SCARB2: variants seen among roughly 807,000 people sequenced by gnomAD.
SCARB2 encodes lysosome membrane protein 2.
In SCARB2, 29 loss-of-function variants were observed where a neutral mutation model predicts 58.6. The observed-to-expected ratio is 0.49, with a 90% CI of 0.37 to 0.67. SCARB2 has a LOEUF of 0.67. Ranked by LOEUF, SCARB2 falls within the 30% of genes least tolerant of loss-of-function variation. The probability of loss-of-function intolerance (pLI) is 0.00; values close to 1 mark genes in which losing one functional copy is unlikely to be tolerated. For missense variants in SCARB2, 488 were observed against 578.5 expected (o/e 0.84, Z 1.60); for synonymous variants, 195 against 210.1 (o/e 0.93, Z 0.62).
At chr4:76,198,837 AGTGAGTGTGTGTGTGTGT>A (rs1353617882) in intron 1 of SCARB2, among the ~76,000 whole-genome samples, 33 of 130,856 alleles carry the variant, frequency 2.5e-4, no homozygotes, top group African/African-American at 1.0e-3. Context: ...CTGGAGAGTG[AGTGAGTGTGTGTGTGTGT>A]GTGTGTGTGT....
intron 1 of SCARB2, among the ~76,000 whole-genome samples, chr4:76,200,248 T>C (rs1732802916): frequency 6.6e-6 from 1 of 152,202 alleles, no homozygotes; most frequent in African/African-American, 2.4e-5. Context: ...TTACACTAAA[T>C]GAAAAAGCAA....
At chr4:76,223,385 A>T (rs1321009335) in intron 1 of SCARB2, among the ~76,000 whole-genome samples, 1 of 152,114 alleles carries the variant, frequency 6.6e-6, no homozygotes. Flanking sequence ...ATTGGGTCCT[A>T]CTTAGCCAGA....
intron 7 of SCARB2, chr4:76,172,955 T>C (rs915802299): frequency 6.6e-6 from 1 of 152,142 alleles, no homozygotes; most frequent in Non-Finnish European, 1.5e-5. Flanking sequence ...AGGGCAAATA[T>C]GAGAAGACCC....
chr4:76,211,726 C>T (rs1028502185), intron 1 of SCARB2, among the ~76,000 whole-genome samples: 7 of 152,146 alleles, frequency 4.6e-5, no homozygotes, highest in African/African-American at 1.7e-4. Flanking sequence ...TACAGGTAAT[C>T]CAGGAAAAAG....
upstream of SCARB2, chr4:76,214,374 T>C: frequency 2.3e-6 from 1 of 443,158 alleles, no homozygotes; most frequent in African/African-American, 2.0e-5. Flanking sequence ...TGTGCAAGAA[T>C]GGAAGATGTG....
rs569398417 is a variant in SCARB2 at position 76,161,109 on chromosome 4, C to G, written c.*604G>C. ...CAACCCCTTTCCCATTTGATTCTACCCAGTATTTTATTGCAGTTGGAAGAC... is the reference window on the plus strand; with the variant it reads ...CAACCCCTTTCCCATTTGATTCTACGCAGTATTTTATTGCAGTTGGAAGAC... On this transcript the variant is annotated 3_prime_UTR_variant, in exon 12 of 12. Transcript: ENST00000264896. 1 of 157,028 alleles carries G rather than the reference C, an allele frequency of 6.4e-6. No homozygotes were observed. Among genetic ancestry groups the G allele is most frequent in the South Asian group, 1.9e-4 (1 of 5,262 alleles). 9.7% of individuals were successfully genotyped at this position (157,028 alleles called of 1,614,324 possible). A position where few individuals can be genotyped will look rare whatever the true frequency, so the allele number is the denominator to read the frequency against.
At chr4:76,231,227 G>C (rs1416557663) in intron 1 of SCARB2, among the ~76,000 whole-genome samples, 1 of 152,146 alleles carries the variant, frequency 6.6e-6, no homozygotes, top group Non-Finnish European at 1.5e-5. Flanking sequence ...AGCTCCCTTG[G>C]TCTTATTTTC....
At chr4:76,204,156 T>A (rs1229430887) in intron 1 of SCARB2, among the ~76,000 whole-genome samples, 1 of 152,214 alleles carries the variant, frequency 6.6e-6, no homozygotes, top group Non-Finnish European at 1.5e-5. Flanking sequence ...AAACACCAAT[T>A]GATTTGCTTT....
At chr4:76,233,238 T>C (rs973932048) in intron 1 of SCARB2, among the ~76,000 whole-genome samples, 5 of 152,008 alleles carry the variant, frequency 3.3e-5, no homozygotes, top group Admixed American at 3.3e-4. Flanking sequence ...CAGCCAAGTT[T>C]TGCCTTCTTA....
chr4:76,183,424 CAATT>C (rs1277791363), intron 2 of SCARB2, among the ~76,000 whole-genome samples: 1 of 152,138 alleles, frequency 6.6e-6, no homozygotes, highest in Non-Finnish European at 1.5e-5. Flanking sequence ...TGCTTGGGCT[CAATT>C]AATTTGCTAG....
At chr4:76,172,840 G>A (rs1228881094) in intron 7 of SCARB2, 1 of 152,158 alleles carries the variant, frequency 6.6e-6, no homozygotes. Context: ...AAATGAGATA[G>A]ATAAGGGAGC....
chr4:76,219,432 G>A (rs1437953732), intron 1 of SCARB2, among the ~76,000 whole-genome samples: 1 of 152,226 alleles, frequency 6.6e-6, no homozygotes, highest in Non-Finnish European at 1.5e-5. Flanking sequence ...CTTGGGTTGG[G>A]TTTAAACTCA....
chr4:76,187,943 T>A (rs1300943587), intron 2 of SCARB2, among the ~76,000 whole-genome samples: 2 of 152,140 alleles, frequency 1.3e-5, no homozygotes, highest in Non-Finnish European at 2.9e-5. Flanking sequence ...TAAAATAACT[T>A]AAGATCTAGC....
rs1733126150 is a variant in SCARB2, at chr4:76,213,666, C to T, written c.-123G>A. 5.4e-6 allele frequency: 4 copies of T among 745,882 alleles called. No individual in the cohort carries two copies. The highest frequency in any genetic ancestry group is 8.9e-6 in the Non-Finnish European group (4 of 448,078). The allele number at this position is 745,882 out of a possible 1,614,324, so 46.2% of individuals were successfully genotyped here. On this transcript the variant is annotated 5_prime_UTR_variant, in exon 1 of 12. Coordinates refer to ENST00000264896, the MANE Select transcript of SCARB2 (RefSeq NM_005506.4). ...CTTCGGCGCCACGCCCACGCCCTCCCGGCGCACGGTTCGTGCGCGCAGCTC... is the reference window on the plus strand; with the variant it reads ...CTTCGGCGCCACGCCCACGCCCTCCTGGCGCACGGTTCGTGCGCGCAGCTC...
At chr4:76,196,772 A>T (rs1732721438) in intron 1 of SCARB2, among the ~76,000 whole-genome samples, 2 of 152,194 alleles carry the variant, frequency 1.3e-5, no homozygotes, top group African/African-American at 4.8e-5. Context: ...TTAGCTGACA[A>T]TGGAGACTGC....
At chr4:76,221,776 G>T (rs1733312719) in intron 1 of SCARB2, among the ~76,000 whole-genome samples, 1 of 152,214 alleles carries the variant, frequency 6.6e-6, no homozygotes, top group Admixed American at 6.5e-5. Flanking sequence ...TGGGTGAGGA[G>T]TATAGGTTGA....
intron 1 of SCARB2, among the ~76,000 whole-genome samples, chr4:76,220,622 CTT>C (rs1733290834): frequency 6.6e-6 from 1 of 152,176 alleles, no homozygotes; most frequent in Non-Finnish European, 1.5e-5. Context: ...GATCCTGTCT[CTT>C]AAAGAAAGAA....
chr4:76,224,954 A>G (rs1318698766), intron 1 of SCARB2, among the ~76,000 whole-genome samples: 2 of 152,036 alleles, frequency 1.3e-5, no homozygotes, highest in African/African-American at 4.8e-5. Flanking sequence ...TCTTATAGGC[A>G]TAAGAATGAT....
In SCARB2 at chr4:76,160,115, G is replaced by A. The variant is rs909439669; in HGVS notation, c.*1598C>T. 6.6e-6 allele frequency: 1 copy of A among 152,076 alleles called. No individual in the cohort carries two copies. The highest frequency in any genetic ancestry group is 2.4e-5 in the African/African-American group (1 of 41,410). The allele number at this position is 152,076 out of a possible 1,614,324, so 9.4% of individuals were successfully genotyped here. ...TTAATGAATTGCCTCTTCAAGAGGG[G>A]AAATATATCACATATTGTTTTAGTG... is the stretch of plus-strand genomic sequence containing the variant. On this transcript the variant is annotated 3_prime_UTR_variant, in exon 12 of 12. Transcript: ENST00000264896.
Sources: gnomAD v4.1 joint callset for allele counts (sites outside exome capture counted in the v4.1 genomes callset) on GRCh38, gnomAD v4.1.1 for gene constraint, MANE v1.5 for transcripts, NCBI Gene and HGNC (gene_info 2026-07-23, HGNC 2026-07-21) for gene names.